Variants in JPH2 observed in about 807,000 individuals in gnomAD.
JPH2 encodes junctophilin-2.
A neutral mutation model predicts 55.9 loss-of-function variants in JPH2; 38 were observed. The observed-to-expected ratio is 0.68, with a 90% CI of 0.52 to 0.89. The LOEUF is 0.89. Among genes scored for constraint, JPH2 ranks in the 40% least tolerant of loss-of-function variants. The pLI is 0.00. For synonymous variants in JPH2, 480 were observed against 472.4 expected (o/e 1.02, Z -0.21); for missense variants, 964 against 1,037.6 (o/e 0.93, Z 0.97).
chr20:44,186,240 A>G (rs2072838969), intron 1 of JPH2, 87 bp downstream of exon 1: 6 of 1,476,514 alleles, frequency 4.1e-6, no homozygotes, highest in African/African-American at 2.8e-5. Flanking sequence ...TTCTGTGCCA[A>G]TTGCCGGTCG....
At chr20:44,137,584 A>G (rs1303703494) in intron 2 of JPH2, among the ~76,000 whole-genome samples, 2 of 152,216 alleles carry the variant, frequency 1.3e-5, no homozygotes, top group African/African-American at 2.4e-5. Flanking sequence ...CTGCTGTCAC[A>G]AGGACAGGGG....
At chr20:44,129,614 G>A (rs888153115) in intron 2 of JPH2, among the ~76,000 whole-genome samples, 3 of 150,564 alleles carry the variant, frequency 2.0e-5, no homozygotes, top group East Asian at 2.0e-4. Flanking sequence ...CTAACTATGC[G>A]CCAGACACTC....
chr20:44,168,088 A>T (rs950430990), intron 1 of JPH2, among the ~76,000 whole-genome samples: 13 of 152,166 alleles, frequency 8.5e-5, no homozygotes, highest in Admixed American at 8.5e-4. Flanking sequence ...AGTGCCTAGG[A>T]TATAGTAAGT....
chr20:44,184,035 C>CTGT (rs3838036), intron 1 of JPH2, among the ~76,000 whole-genome samples: 76,223 of 151,334 alleles, frequency 0.5, 20,114 homozygotes, highest in African/African-American at 0.67. Context: ...TGGTGGGTGC[C>CTGT]TGTCCCAGCT....
chr20:44,168,318 A>G (rs1278981312), intron 1 of JPH2, among the ~76,000 whole-genome samples: 1 of 152,238 alleles, frequency 6.6e-6, no homozygotes, highest in Admixed American at 6.5e-5. Flanking sequence ...AATTCACACA[A>G]AAAGAATGGA....
At chr20:44,138,466 C>A (rs189030943) in intron 2 of JPH2, among the ~76,000 whole-genome samples, 217 of 152,292 alleles carry the variant, frequency 1.4e-3, no homozygotes, top group Non-Finnish European at 2.5e-3. Flanking sequence ...GAAGCCTCAA[C>A]TTCCTGGGCT....
chr20:44,117,736 C>CT (rs1384618751), intron 3 of JPH2, among the ~76,000 whole-genome samples: 1 of 152,226 alleles, frequency 6.6e-6, no homozygotes, highest in African/African-American at 2.4e-5. Context: ...GCAGCCTTCT[C>CT]TAACACTTCC....
chr20:44,137,422 G>A (rs545983654), intron 2 of JPH2, among the ~76,000 whole-genome samples: 1 of 152,334 alleles, frequency 6.6e-6, no homozygotes, highest in South Asian at 2.1e-4. Flanking sequence ...CTCCCCAGGT[G>A]GGGCTCGGCT....
intron 2 of JPH2, among the ~76,000 whole-genome samples, chr20:44,141,491 A>G (rs1319643396): frequency 6.6e-6 from 1 of 150,386 alleles, no homozygotes; most frequent in Non-Finnish European, 1.5e-5. Context: ...AAGAAGCCCA[A>G]TGGGTGAGGC....
At chr20:44,131,818 C>A (rs188083905) in intron 2 of JPH2, among the ~76,000 whole-genome samples, 76 of 152,280 alleles carry the variant, frequency 5.0e-4, no homozygotes, top group African/African-American at 1.7e-3. Flanking sequence ...TACAAAATGA[C>A]ACATGTACAA....
Position 44,186,518 on chromosome 20 carries a change from T to C in JPH2, c.188A>G (p.Tyr63Cys), listed in dbSNP as rs780923649. 2 of 1,613,740 alleles carry C rather than the reference T, an allele frequency of 1.2e-6. No homozygotes were observed. The highest frequency in any genetic ancestry group is 1.3e-5 in the African/African-American group (1 of 74,996). ...CCCATGCCGTTTGCCCTGGCTCCAG[T>C]ATCCCTCAAAGGTGTTTCCGCTGGG... Reference protein sequence around the residue: ...TWPSGNTFEGYWSQGKRHGLG... With the variant: ...TWPSGNTFEGCWSQGKRHGLG... The change falls in exon 1 of 6, where the codon TAC (tyrosine) becomes TGC (cysteine). Residue 63 changes from tyrosine to cysteine, a missense_variant. Physicochemically the swap from Tyr to Cys is radical, Grantham distance 194. Coordinates refer to ENST00000372980, the MANE Select transcript of JPH2 (RefSeq NM_020433.5).
chr20:44,149,484 CGTT>C (rs916443389), intron 2 of JPH2, among the ~76,000 whole-genome samples: 48 of 152,298 alleles, frequency 3.2e-4, no homozygotes, highest in African/African-American at 1.1e-3. Flanking sequence ...TGTAGCCACA[CGTT>C]GGTGAGTTTT....
chr20:44,144,954 T>A (rs1424260349), intron 2 of JPH2, among the ~76,000 whole-genome samples: 1 of 130,876 alleles, frequency 7.6e-6, no homozygotes, highest in African/African-American at 2.7e-5. Context: ...GGTTCTCTCA[T>A]GATCCCCACC....
At chr20:44,173,017 C>T (rs1005554166) in intron 1 of JPH2, among the ~76,000 whole-genome samples, 2 of 152,182 alleles carry the variant, frequency 1.3e-5, no homozygotes, top group Admixed American at 6.5e-5. Flanking sequence ...CTCCATCTTA[C>T]TTCTAACCTC....
chr20:44,180,855 A>G (rs1199404561), intron 1 of JPH2, among the ~76,000 whole-genome samples: 1 of 151,948 alleles, frequency 6.6e-6, no homozygotes, highest in African/African-American at 2.4e-5. Context: ...CCCAGGACCA[A>G]GAACCTCAGA....
chr20:44,154,177 C>T (rs938752899), intron 2 of JPH2, among the ~76,000 whole-genome samples: 2 of 152,168 alleles, frequency 1.3e-5, no homozygotes, highest in Admixed American at 6.5e-5. Context: ...AATGGGTCTA[C>T]AGCAACACTG....
At chr20:44,162,775 TATATATATATATACACAC>T (rs1215524348) in intron 1 of JPH2, among the ~76,000 whole-genome samples, 6 of 83,078 alleles carry the variant, frequency 7.2e-5, no homozygotes, top group African/African-American at 2.6e-4. Flanking sequence ...TATATATATA[TATATATATATATACACAC>T]ACACACACAC....
rs1392907530 is a variant in JPH2 at position 44,159,898 on chromosome 20, T to C, written c.889A>G (p.Asn297Asp). 1 of 1,612,628 alleles carries C rather than the reference T, an allele frequency of 6.2e-7. No individual in the cohort carries two copies. The highest frequency in any genetic ancestry group is 8.5e-7 in the Non-Finnish European group (1 of 1,179,684). ...TTETYMGEWKNDKRSGFGVSE... is the reference protein window; with the variant it reads ...TTETYMGEWKDDKRSGFGVSE... ...ACGCCGAAGCCCGAGCGTTTGTCGTTCTTCCACTCGCCCATGTAGGTCTCG... is the reference window on the plus strand; with the variant it reads ...ACGCCGAAGCCCGAGCGTTTGTCGTCCTTCCACTCGCCCATGTAGGTCTCG... The change falls in exon 2 of 6, where the codon AAC (asparagine) becomes GAC (aspartate). Residue 297 changes from asparagine to aspartate, a missense_variant. Coordinates refer to ENST00000372980, the MANE Select transcript of JPH2 (RefSeq NM_020433.5). This position sits in a 1 kb window ranked among gnomAD's most constrained non-coding sequence, Gnocchi z 5.7.
intron 2 of JPH2, among the ~76,000 whole-genome samples, chr20:44,130,239 C>G (rs1176948549): frequency 6.6e-6 from 1 of 152,250 alleles, no homozygotes; most frequent in Non-Finnish European, 1.5e-5. Flanking sequence ...AAAGCCTTTG[C>G]TGACCCCTGC....
Sources: allele counts gnomAD v4.1 joint callset (sites outside exome capture counted in the v4.1 genomes callset), GRCh38; gene constraint gnomAD v4.1.1; non-coding constraint Gnocchi (gnomAD v3.1); transcripts MANE v1.5; gene names NCBI Gene and HGNC (gene_info 2026-07-23, HGNC 2026-07-21).